CLPTM1: variants seen among roughly 807,000 people sequenced by gnomAD.
The protein encoded by CLPTM1 is putative lipid scramblase CLPTM1.
Under a neutral mutation model 77.3 loss-of-function variants are expected in CLPTM1, and 21 were observed. The observed-to-expected ratio is 0.27, with a 90% CI of 0.19 to 0.39. CLPTM1 has a LOEUF of 0.39. Ranked by LOEUF, CLPTM1 falls within the 10% of genes least tolerant of loss-of-function variation. The pLI is 1.00. For synonymous variants in CLPTM1, 373 were observed against 381.0 expected (o/e 0.98, Z 0.24); for missense variants, 642 against 921.2 (o/e 0.70, Z 3.92).
chr19:44,987,672 CCTT>C lies in CLPTM1; in HGVS notation c.1038+252_1038+254del, dbSNP rs1348971815. 20 of 572,384 alleles carry C rather than the reference CCTT, an allele frequency of 3.5e-5. 1 individual carries two copies. The highest frequency in any genetic ancestry group is 2.8e-4 in the African/African-American group (15 of 53,524). 35.5% of individuals were successfully genotyped at this position (572,384 alleles called of 1,614,324 possible). On this transcript the variant is annotated intron_variant, in intron 8 of 13. Coordinates refer to ENST00000337392, the MANE Select transcript of CLPTM1 (RefSeq NM_001294.4). ...TTTGGGTCCAGACCTGTCCCTTCCT[CCTT>C]CTGTCCCAGACCTTGTGTCCCTGGC...
At chr19:44,981,182 T>TCTCCACTCA (rs1970890555) in intron 5 of CLPTM1, among the ~76,000 whole-genome samples, 1 of 151,714 alleles carries the variant, frequency 6.6e-6, no homozygotes, top group African/African-American at 2.4e-5. Flanking sequence ...TTCACTCTTG[T>TCTCCACTCA]TGCCCAGGCT....
At chr19:44,958,382 G>A (rs1970495433) in intron 1 of CLPTM1, among the ~76,000 whole-genome samples, 1 of 151,802 alleles carries the variant, frequency 6.6e-6, no homozygotes, top group Non-Finnish European at 1.5e-5. Context: ...TGAAAAGAGT[G>A]ACTCTTTTTT....
At position 44,990,615 on chromosome 19, in the gene CLPTM1, A is replaced by G; in HGVS notation, c.1323+30A>G. The G allele has an allele frequency of 6.2e-7, 1 of 1,607,732 alleles. No individual in the cohort carries two copies. Among genetic ancestry groups the G allele is most frequent in the Non-Finnish European group, 8.5e-7 (1 of 1,176,036 alleles). On this transcript the variant is annotated intron_variant, in intron 10 of 13. Transcript: ENST00000337392. The surrounding 1 kb of genome is among the most constrained non-coding windows in gnomAD (Gnocchi z 4.8). ...GGCTGGGGCGCCATGCTGTCTCGGGAGCTGCAGGGGTTGGGAGGGGGTAGT... is the reference window on the plus strand; with the variant it reads ...GGCTGGGGCGCCATGCTGTCTCGGGGGCTGCAGGGGTTGGGAGGGGGTAGT...
chr19:44,982,367 A>G (rs561906636), intron 5 of CLPTM1, among the ~76,000 whole-genome samples: 1 of 150,170 alleles, frequency 6.7e-6, no homozygotes, highest in East Asian at 1.9e-4. Context: ...AAAAGGGTCT[A>G]GCGTGTGTTT....
At chr19:44,960,853 T>G (rs1970533438) in intron 1 of CLPTM1, among the ~76,000 whole-genome samples, 1 of 152,130 alleles carries the variant, frequency 6.6e-6, no homozygotes, top group Admixed American at 6.5e-5. Context: ...TAACTGTGAC[T>G]GTGATAGCCC....
chr19:44,984,773 A>G (rs1353217256), intron 5 of CLPTM1, among the ~76,000 whole-genome samples: 1 of 151,768 alleles, frequency 6.6e-6, no homozygotes, highest in Admixed American at 6.6e-5. Context: ...TGTAACCTCC[A>G]CCTCCCTAGT....
chr19:44,985,813 T>TG (rs36013825), intron 6 of CLPTM1, among the ~76,000 whole-genome samples: 7 of 152,158 alleles, frequency 4.6e-5, no homozygotes, highest in East Asian at 1.9e-4. Context: ...GGTCCTGTGT[T>TG]GGGGGGGTGG....
intron 6 of CLPTM1, among the ~76,000 whole-genome samples, chr19:44,985,992 C>T (rs557117607): frequency 6.6e-6 from 1 of 152,166 alleles, no homozygotes; most frequent in East Asian, 1.9e-4. Flanking sequence ...TCCTGGGTGG[C>T]GGAATCTCTA....
chr19:44,992,269 A>T lies in CLPTM1; in HGVS notation c.1592A>T (p.Tyr531Phe). 4 of 1,614,012 alleles carry T rather than the reference A, an allele frequency of 2.5e-6. No individual in the cohort carries two copies. Among genetic ancestry groups the T allele is most frequent in the Non-Finnish European group, 3.4e-6 (4 of 1,179,948 alleles). The change falls in exon 13 of 14, where the codon TAC becomes TTC. Residue 531 changes from tyrosine to phenylalanine, a missense_variant. Tyr to Phe is a conservative substitution (Grantham distance 22). Coordinates refer to ENST00000337392, the MANE Select transcript of CLPTM1 (RefSeq NM_001294.4). The surrounding 1 kb of genome is among the most constrained non-coding windows in gnomAD (Gnocchi z 7.7). ...ITMTPQLFIN[Y>F]KLKSVAHLPW... is the part of the protein sequence containing the mutation. ...ATGACGCCCCAGCTCTTCATCAACT[A>T]CAAGCTCAAGTCTGTGGCCCACCTT...
At chr19:44,972,768 C>T (rs1277708695) in intron 2 of CLPTM1, among the ~76,000 whole-genome samples, 1 of 152,028 alleles carries the variant, frequency 6.6e-6, no homozygotes, top group East Asian at 1.9e-4. Context: ...CAGTCTGAGT[C>T]AAGAGTCAGC....
At chr19:44,984,881 G>C (rs1339461093) in intron 5 of CLPTM1, among the ~76,000 whole-genome samples, 1 of 152,024 alleles carries the variant, frequency 6.6e-6, no homozygotes, top group Admixed American at 6.6e-5. Flanking sequence ...GAGACGGGGG[G>C]TTTCACCATG....
Position 44,991,204 on chromosome 19 carries a change from A to T in CLPTM1, c.1420-34A>T. On this transcript the variant is annotated intron_variant, in intron 11 of 13. Coordinates refer to ENST00000337392, the MANE Select transcript of CLPTM1 (RefSeq NM_001294.4). This position sits in a 1 kb window ranked among gnomAD's most constrained non-coding sequence, Gnocchi z 5.4. ...GCAGGGCTGCCAGGCAGGGCTGAGG[A>T]GCTGGCTGACAGCCCCACCCTGTGG... The T allele has an allele frequency of 6.2e-7, 1 of 1,612,144 alleles. No homozygotes were observed. The highest frequency in any genetic ancestry group is 8.5e-7 in the Non-Finnish European group (1 of 1,178,838).
upstream of CLPTM1, chr19:44,954,688 C>G: frequency 8.6e-7 from 1 of 1,164,972 alleles, no homozygotes; most frequent in East Asian, 4.9e-5. Flanking sequence ...TGAAGCCTAG[C>G]CCACGGATGC....
chr19:44,957,298 G>C (rs995202552), intron 1 of CLPTM1, among the ~76,000 whole-genome samples: 5 of 151,760 alleles, frequency 3.3e-5, no homozygotes, highest in Non-Finnish European at 5.9e-5. Context: ...CTCTTTGACT[G>C]TCTGGGCTCC....
chr19:44,958,723 C>T (rs204906), intron 1 of CLPTM1, among the ~76,000 whole-genome samples: 4,365 of 152,266 alleles, frequency 0.029, 118 homozygotes, highest in East Asian at 0.079. Flanking sequence ...GGATAGAGTC[C>T]ATTGGCTCCT....
chr19:44,972,390 G>T (rs1970733135), intron 2 of CLPTM1, among the ~76,000 whole-genome samples: 1 of 151,800 alleles, frequency 6.6e-6, no homozygotes, highest in Non-Finnish European at 1.5e-5. Flanking sequence ...TGGGACTACA[G>T]GCGCCCGCCA....
chr19:44,955,005 G>A, upstream of CLPTM1: 1 of 1,535,702 alleles, frequency 6.5e-7, no homozygotes, highest in South Asian at 1.2e-5. Context: ...TAAAGCTCAA[G>A]AAACATGGAA....
intron 2 of CLPTM1, among the ~76,000 whole-genome samples, chr19:44,967,550 A>G (rs1322864317): frequency 1.3e-5 from 2 of 151,624 alleles, no homozygotes; most frequent in Non-Finnish European, 1.5e-5. Flanking sequence ...CCAGCTATTC[A>G]GGAGGCTGAG....
upstream of CLPTM1, chr19:44,954,988 T>G (rs1970434280): frequency 6.5e-7 from 1 of 1,535,562 alleles, no homozygotes; most frequent in Non-Finnish European, 8.7e-7. Context: ...AGCCGTACAG[T>G]GGCCGGTAAA....
Sources: allele counts gnomAD v4.1 joint callset (sites outside exome capture counted in the v4.1 genomes callset), GRCh38; gene constraint gnomAD v4.1.1; non-coding constraint Gnocchi (gnomAD v3.1); transcripts MANE v1.5; gene names NCBI Gene and HGNC (gene_info 2026-07-23, HGNC 2026-07-21).